Variants in TPM3 observed in about 807,000 individuals in gnomAD.
The protein encoded by TPM3 is tropomyosin alpha-3 chain.
TPM3 carries 16 observed loss-of-function variants against 43.1 expected under a neutral mutation model. That is an observed-to-expected ratio of 0.37 (90% confidence interval 0.25 to 0.56). The LOEUF is 0.56. TPM3 is among the 20% of genes least tolerant of loss of function. TPM3 has a pLI of 0.77. For synonymous variants in TPM3, 101 were observed against 116.9 expected (o/e 0.86, Z 0.88); for missense variants, 176 against 337.2 (o/e 0.52, Z 3.74).
At chr1:154,168,087 T>C (rs1661180161) in intron 9 of TPM3, 147 bp from the exon 10 acceptor site, 17 of 1,210,596 alleles carry the variant, frequency 1.4e-5, no homozygotes, top group Non-Finnish European at 2.0e-5. Flanking sequence ...GAAATGTGGC[T>C]TCTTTTCAGG....
At chr1:154,181,592 T>C (rs572683481) in intron 2 of TPM3, among the ~76,000 whole-genome samples, 1 of 152,156 alleles carries the variant, frequency 6.6e-6, no homozygotes, top group Non-Finnish European at 1.5e-5. Flanking sequence ...CTAAAACTAA[T>C]CAGCCACTTT....
At chr1:154,169,487 T>G in intron 8 of TPM3, 104 bp from the exon 9 acceptor site, 1 of 1,153,142 alleles carries the variant, frequency 8.7e-7, no homozygotes, top group East Asian at 2.4e-5. Context: ...AGTGTGACTG[T>G]GGGTCTAATA....
At position 154,167,274 on chromosome 1, in the gene TPM3, G is replaced by T. The variant is rs1310779179; in HGVS notation, c.*663C>A. 1 of 978,446 alleles carries T rather than the reference G, an allele frequency of 1.0e-6. No individual in the cohort carries two copies. Among genetic ancestry groups the T allele is most frequent in the Non-Finnish European group, 1.2e-6 (1 of 823,672 alleles). 60.6% of individuals were successfully genotyped at this position (978,446 alleles called of 1,614,324 possible). Reference sequence around the variant, plus strand: ...TTCTATCCATTGTGTATTTTTCTGTGACTGGAGTTGACATAATTAGTCAAT... The same window carrying T: ...TTCTATCCATTGTGTATTTTTCTGTTACTGGAGTTGACATAATTAGTCAAT... On this transcript the variant is annotated 3_prime_UTR_variant, in exon 10 of 10. Coordinates refer to ENST00000651641, the MANE Select transcript of TPM3 (RefSeq NM_152263.4).
At chr1:154,184,862 C>T (rs979276948) in intron 2 of TPM3, among the ~76,000 whole-genome samples, 6 of 151,282 alleles carry the variant, frequency 4.0e-5, no homozygotes, top group African/African-American at 1.5e-4. Context: ...TGCAGTGAGC[C>T]AAGATTGTAT....
intron 7 of TPM3, 82 bp downstream of exon 7, chr1:154,170,567 A>AACCAGCC: frequency 6.3e-7 from 1 of 1,598,156 alleles, no homozygotes; most frequent in Non-Finnish European, 8.6e-7. Flanking sequence ...TCAGAACCCA[A>AACCAGCC]ACCAGCCAGT....
intron 2 of TPM3, among the ~76,000 whole-genome samples, chr1:154,178,376 C>T (rs989089813): frequency 1.3e-5 from 2 of 152,176 alleles, no homozygotes; most frequent in African/African-American, 4.8e-5. Flanking sequence ...ATGAACAAGC[C>T]TGTATCAAAA....
In TPM3 at chr1:154,165,251, G is replaced by T. The variant is rs537109466; in HGVS notation, c.*2686C>A. Among the ~76,000 whole-genome samples the T allele has an allele frequency of 5.9e-5, 9 of 151,764 alleles. No homozygotes were observed. Among genetic ancestry groups the T allele is most frequent in the Non-Finnish European group, 1.0e-4 (7 of 67,950 alleles). On this transcript the variant is annotated 3_prime_UTR_variant, in exon 10 of 10. Transcript: ENST00000651641. ...ACAAAAATCAGCTGGGCATGGTGGT[G>T]GGTATCTGTAATCACAGCTCCTCGG...
rs1660836822 is a variant in TPM3 at position 154,165,459 on chromosome 1, A to G, written c.*2478T>C. Among the ~76,000 whole-genome samples the G allele has an allele frequency of 6.6e-6, 1 of 151,682 alleles. No individual in the cohort carries two copies. Among genetic ancestry groups the G allele is most frequent in the Non-Finnish European group, 1.5e-5 (1 of 67,964 alleles). Reference sequence around the variant, plus strand: ...CACAACCCAACTCTGCTTGTCAAAAATCCACTTTTGGAACCCAATAAAAAT... The same window carrying G: ...CACAACCCAACTCTGCTTGTCAAAAGTCCACTTTTGGAACCCAATAAAAAT... On this transcript the variant is annotated 3_prime_UTR_variant, in exon 10 of 10. Transcript: ENST00000651641.
intron 5 of TPM3, chr1:154,172,639 C>T (rs1051266338): frequency 2.0e-6 from 1 of 508,520 alleles, no homozygotes; most frequent in Non-Finnish European, 3.6e-6. Context: ...TTCCAATTAA[C>T]TGTTCACCAT....
Position 154,179,618 on chromosome 1 carries a change from G to C in TPM3, c.244-3370C>G, listed in dbSNP as rs558191858. ...CCTCACTCCCCCAGTGCCGATACTC[G>C]CCCAGGCTGGAGTACAGTGGCATGA... is the stretch of plus-strand genomic sequence containing the variant. On this transcript the variant is annotated intron_variant, in intron 2 of 9. Transcript: ENST00000651641. 2.6e-5 allele frequency among the ~76,000 whole-genome samples: 4 copies of C among 151,868 alleles called. No homozygotes were observed. The East Asian group carries it at 7.7e-4, about 29-fold the overall frequency.
chr1:154,183,343 T>C, intron 2 of TPM3: 2 of 1,433,938 alleles, frequency 1.4e-6, no homozygotes, highest in Non-Finnish European at 1.8e-6. Context: ...CCAGTCGCCC[T>C]GGAGTACGGC....
chr1:154,178,205 A>C (rs1006005917), intron 2 of TPM3: 1 of 985,446 alleles, frequency 1.0e-6, no homozygotes, highest in Non-Finnish European at 1.2e-6. Flanking sequence ...AAACTGGAGT[A>C]GAAGATAACA....
At position 154,161,815 on chromosome 1, in the gene TPM3, GGAGT is replaced by G. The variant is rs1160999656; in HGVS notation, c.*6118_*6121del. On this transcript the variant is annotated 3_prime_UTR_variant, in exon 10 of 10. Transcript: ENST00000651641. ...AGGGAAGAAATAAAGAGACAGAGAA[GGAGT>G]GAGAGCATTTTATTGCCTGACTAAA... 6.6e-6 allele frequency among the ~76,000 whole-genome samples: 1 copy of G among 152,086 alleles called. No individual in the cohort carries two copies. Among genetic ancestry groups the G allele is most frequent in the Non-Finnish European group, 1.5e-5 (1 of 68,020 alleles).
intron 6 of TPM3, 94 bp downstream of exon 6, chr1:154,171,319 G>C (rs1002952552): frequency 2.2e-6 from 3 of 1,337,358 alleles, no homozygotes; most frequent in African/African-American, 1.4e-5. Context: ...ACGCCTCACT[G>C]GATTATATAT....
At chr1:154,176,667 A>AAG (rs1235560328) in intron 2 of TPM3, among the ~76,000 whole-genome samples, 1 of 151,560 alleles carries the variant, frequency 6.6e-6, no homozygotes, top group Non-Finnish European at 1.5e-5. Context: ...AAAAAAAAAA[A>AAG]AAAAGCAAGG....
intron 3 of TPM3, among the ~76,000 whole-genome samples, chr1:154,174,403 T>C (rs199878543): frequency 0.031 from 3,148 of 102,096 alleles, 329 homozygotes; most frequent in African/African-American, 0.14. Flanking sequence ...TATATATATA[T>C]ATATACACAC....
chr1:154,185,680 A>T (rs1175914090), intron 2 of TPM3, among the ~76,000 whole-genome samples: 1 of 150,828 alleles, frequency 6.6e-6, no homozygotes, highest in Non-Finnish European at 1.5e-5. Flanking sequence ...ACTGCACTCC[A>T]GCCTGGGTGA....
intron 3 of TPM3, among the ~76,000 whole-genome samples, chr1:154,174,283 C>T (rs980863382): frequency 6.1e-5 from 9 of 147,130 alleles, no homozygotes; most frequent in Admixed American, 1.4e-4. Flanking sequence ...TGCAGTGAGC[C>T]GAGATTGTGC....
Position 154,165,789 on chromosome 1 carries a change from CAAA to C in TPM3, c.*2145_*2147del, listed in dbSNP as rs68185418. On this transcript the variant is annotated 3_prime_UTR_variant, in exon 10 of 10. Transcript: ENST00000651641. ...AGGTGACAAGAGTCAAACTCCGTCT[CAAA>C]AAAAAAAAAAAAAAGAAAAAAAGAA... 6.1e-5 allele frequency among the ~76,000 whole-genome samples: 5 copies of C among 82,238 alleles called. No individual in the cohort carries two copies. The highest frequency in any genetic ancestry group is 8.6e-5 in the African/African-American group (2 of 23,282). The allele number at this position is 82,238 out of a possible 152,430, so 54.0% of individuals were successfully genotyped here.
Sources: allele counts gnomAD v4.1 joint callset (sites outside exome capture counted in the v4.1 genomes callset), GRCh38; gene constraint gnomAD v4.1.1; transcripts MANE v1.5; gene names NCBI Gene and HGNC (gene_info 2026-07-23, HGNC 2026-07-21).